Variants in NECTIN3 observed in about 807,000 individuals in gnomAD.
The protein encoded by NECTIN3 is nectin cell adhesion molecule 3.
A neutral mutation model predicts 49.4 loss-of-function variants in NECTIN3; 8 were observed. That is an observed-to-expected ratio of 0.16 (90% CI 0.10 to 0.29). The LOEUF is 0.29. NECTIN3 is among the 10% of genes least tolerant of loss of function. The probability of loss-of-function intolerance (pLI) is 1.00; values close to 1 mark genes in which losing one functional copy is unlikely to be tolerated. For missense variants in NECTIN3, 581 were observed against 654.6 expected (o/e 0.89, Z 1.23); for synonymous variants, 277 against 241.1 (o/e 1.15, Z -1.38).
chr3:111,075,669 G>A (rs1433783301), intron 1 of NECTIN3, among the ~76,000 whole-genome samples: 1 of 152,044 alleles, frequency 6.6e-6, no homozygotes, highest in Non-Finnish European at 1.5e-5. Context: ...TATATATTGA[G>A]TCTTAGCCCA....
At chr3:111,186,561 C>G (rs565753768) in intron 7 of NECTIN3, among the ~76,000 whole-genome samples, 1 of 152,218 alleles carries the variant, frequency 6.6e-6, no homozygotes, top group East Asian at 1.9e-4. Flanking sequence ...AAAATCAACT[C>G]CTACCTATTG....
intron 1 of NECTIN3, among the ~76,000 whole-genome samples, chr3:111,077,519 G>A (rs2031301101): frequency 6.6e-6 from 1 of 150,858 alleles, no homozygotes; most frequent in African/African-American, 2.4e-5. Context: ...AAGATAGGAT[G>A]TGTGAGTTAA....
chr3:111,115,173 A>G (rs1463212720), intron 2 of NECTIN3, among the ~76,000 whole-genome samples: 3 of 152,172 alleles, frequency 2.0e-5, no homozygotes, highest in Non-Finnish European at 2.9e-5. Context: ...AGACACTGCC[A>G]AGTGTCCTCA....
At chr3:111,113,947 C>T (rs1048095867) in intron 2 of NECTIN3, among the ~76,000 whole-genome samples, 13 of 152,108 alleles carry the variant, frequency 8.5e-5, no homozygotes, top group African/African-American at 3.1e-4. Context: ...TATACCACTG[C>T]ACTCCAGCCT....
intron 7 of NECTIN3, among the ~76,000 whole-genome samples, chr3:111,162,992 C>G (rs1246822456): frequency 6.6e-6 from 1 of 152,216 alleles, no homozygotes; most frequent in Non-Finnish European, 1.5e-5. Context: ...CTATTACTCT[C>G]TCTTATGATT....
intron 1 of NECTIN3, among the ~76,000 whole-genome samples, chr3:111,101,277 C>A (rs2032891755): frequency 6.6e-6 from 1 of 151,964 alleles, no homozygotes; most frequent in African/African-American, 2.4e-5. Context: ...TAAAACATAG[C>A]AATTGTTTGA....
At chr3:111,126,549 T>C (rs2034170190) in intron 5 of NECTIN3, among the ~76,000 whole-genome samples, 1 of 152,164 alleles carries the variant, frequency 6.6e-6, no homozygotes, top group Non-Finnish European at 1.5e-5. Flanking sequence ...AAAGTGTCTG[T>C]GCAACAAGTT....
intron 1 of NECTIN3, among the ~76,000 whole-genome samples, chr3:111,110,965 T>C (rs1326563027): frequency 6.6e-6 from 1 of 152,152 alleles, no homozygotes; most frequent in South Asian, 2.1e-4. Flanking sequence ...TTTTCTTGAT[T>C]ATGTGGTGAT....
At chr3:111,178,747 C>T (rs2035577072) in intron 7 of NECTIN3, among the ~76,000 whole-genome samples, 1 of 152,186 alleles carries the variant, frequency 6.6e-6, no homozygotes, top group Non-Finnish European at 1.5e-5. Context: ...TAGCCCCTTT[C>T]TGCAAGCAGT....
At chr3:111,165,071 G>T (rs1370117495) in intron 7 of NECTIN3, among the ~76,000 whole-genome samples, 1 of 151,842 alleles carries the variant, frequency 6.6e-6, no homozygotes, top group Admixed American at 6.6e-5. Flanking sequence ...TTTTGAGACA[G>T]AGTCTCGCTC....
At chr3:111,130,836 T>G (rs2034360929) in intron 5 of NECTIN3, among the ~76,000 whole-genome samples, 1 of 152,076 alleles carries the variant, frequency 6.6e-6, no homozygotes, top group Non-Finnish European at 1.5e-5. Context: ...TACTGGAAAT[T>G]GTGTTTTTCT....
At chr3:111,111,239 T>A (rs1405679883) in intron 1 of NECTIN3, among the ~76,000 whole-genome samples, 1 of 152,204 alleles carries the variant, frequency 6.6e-6, no homozygotes, top group Non-Finnish European at 1.5e-5. Flanking sequence ...CAAAACATTG[T>A]AAGTTTTGCT....
At position 111,118,924 on chromosome 3, in the gene NECTIN3, C is replaced by G. The variant is rs757622930; in HGVS notation, c.771C>G (p.Ile257Met). 5 of 1,613,820 alleles carry G rather than the reference C, an allele frequency of 3.1e-6. No homozygotes were observed. The highest frequency in any genetic ancestry group is 4.2e-6 in the Non-Finnish European group (5 of 1,179,880). Reference sequence around the variant, plus strand: ...AACATCCAGCCTTGGAAAAGGACATCCGATACTCTTTCATATTAGACATAC... The same window carrying G: ...AACATCCAGCCTTGGAAAAGGACATGCGATACTCTTTCATATTAGACATAC... ...VVKHPALEKD[I>M]RYSFILDIQY... Residue 257 changes from isoleucine to methionine, a missense_variant, in exon 3 of 6, where the codon ATC becomes ATG. By Grantham distance (10) the Ile-to-Met change is conservative. Around this residue, in one of 3 missense-constraint regions of NECTIN3, gnomAD observed 234 missense variants for 340.6 expected, o/e 0.69. Coordinates refer to ENST00000485303, the MANE Select transcript of NECTIN3 (RefSeq NM_015480.3).
At chr3:111,160,130 A>G (rs1477496434) in intron 7 of NECTIN3, among the ~76,000 whole-genome samples, 2 of 152,278 alleles carry the variant, frequency 1.3e-5, no homozygotes, top group East Asian at 3.9e-4. Flanking sequence ...AGAATACTCC[A>G]TGGTGGTAAG....
intron 5 of NECTIN3, 109 bp from the exon 6 acceptor site, chr3:111,133,526 A>G (rs1228315649): frequency 2.4e-5 from 33 of 1,385,398 alleles, no homozygotes; most frequent in African/African-American, 2.9e-5. Flanking sequence ...TATTGTTACT[A>G]TGAATATATA....
intron 1 of NECTIN3, among the ~76,000 whole-genome samples, chr3:111,101,562 GA>G (rs1324513859): frequency 6.6e-6 from 1 of 152,032 alleles, no homozygotes; most frequent in Non-Finnish European, 1.5e-5. Flanking sequence ...ATTTAGAAAG[GA>G]AGTTGACTTT....
chr3:111,163,712 T>G (rs889185020), intron 7 of NECTIN3, among the ~76,000 whole-genome samples: 5 of 152,172 alleles, frequency 3.3e-5, no homozygotes, highest in African/African-American at 1.2e-4. Context: ...AGGAAAGAAT[T>G]AATTAAGGAA....
At chr3:111,111,591 T>C (rs1050918014) in intron 1 of NECTIN3, among the ~76,000 whole-genome samples, 9 of 152,186 alleles carry the variant, frequency 5.9e-5, no homozygotes, top group African/African-American at 1.9e-4. Context: ...AGTTTCTGTG[T>C]GCCAGGAATC....
In NECTIN3 at chr3:111,072,038, G is replaced by A; in HGVS notation, c.21G>A (p.Pro7=). Residue 7 remains proline, a synonymous_variant, in exon 1 of 6, where the codon CCG becomes CCA. Coordinates refer to ENST00000485303, the MANE Select transcript of NECTIN3 (RefSeq NM_015480.3). MARTLR[P]SPLCPGGGKA... ...GGGGGATGGCGCGGACCCTGCGGCC[G>A]TCCCCGCTGTGTCCTGGAGGCGGCA... is the stretch of plus-strand genomic sequence containing the variant. 2 of 1,536,666 alleles carry A rather than the reference G, an allele frequency of 1.3e-6. No homozygotes were observed. Among genetic ancestry groups the A allele is most frequent in the South Asian group, 1.2e-5 (1 of 82,384 alleles).
Sources: gnomAD v4.1 joint callset for allele counts (sites outside exome capture counted in the v4.1 genomes callset) on GRCh38, gnomAD v4.1.1 for gene constraint, gnomAD v4.1.1 regional missense constraint, MANE v1.5 for transcripts, NCBI Gene and HGNC (gene_info 2026-07-23, HGNC 2026-07-21) for gene names.